Variants in SUSD1 observed in about 807,000 individuals in gnomAD.
The protein encoded by SUSD1 is sushi domain-containing protein 1.
A neutral mutation model predicts 86.9 loss-of-function variants in SUSD1; 65 were observed. The ratio of observed to expected loss-of-function variants is 0.75; its 90% CI spans 0.61 to 0.92. The LOEUF (loss-of-function observed/expected upper bound fraction) is 0.92. SUSD1 is among the 40% of genes least tolerant of loss of function. SUSD1 has a pLI of 0.00. For missense variants in SUSD1, 850 were observed against 929.7 expected (o/e 0.91, Z 1.11); for synonymous variants, 346 against 350.0 (o/e 0.99, Z 0.13).
At chr9:112,108,165 T>A (rs1195223926) in intron 8 of SUSD1, among the ~76,000 whole-genome samples, 3 of 152,210 alleles carry the variant, frequency 2.0e-5, no homozygotes, top group Non-Finnish European at 4.4e-5. Context: ...TATATAATGC[T>A]TTGAAAGTAA....
chr9:112,049,982 C>G (rs1343471466), intron 15 of SUSD1, among the ~76,000 whole-genome samples: 1 of 152,150 alleles, frequency 6.6e-6, no homozygotes, highest in Non-Finnish European at 1.5e-5. Flanking sequence ...AGCTCTTTGG[C>G]GATTTCTTCT....
intron 5 of SUSD1, among the ~76,000 whole-genome samples, chr9:112,125,054 A>C (rs1290481444): frequency 6.6e-6 from 1 of 152,218 alleles, no homozygotes; most frequent in Non-Finnish European, 1.5e-5. Context: ...AGACCCAGCC[A>C]AACTATACTT....
intron 2 of SUSD1, among the ~76,000 whole-genome samples, chr9:112,153,830 T>C: frequency 6.6e-6 from 1 of 151,874 alleles, no homozygotes; most frequent in Non-Finnish European, 1.5e-5. Flanking sequence ...GACAGGCTGG[T>C]CTTGAACTCC....
In SUSD1 at chr9:112,066,646, C is replaced by T. The variant is rs141235450; in HGVS notation, c.1754-3613G>A. ...CCTTGTGCCTGAGATTCTCCGAGTC[C>T]GTACGTGTTGTCTTTTCATATGTTA... On this transcript the variant is annotated intron_variant, in intron 12 of 16. Transcript: ENST00000374270. Among the ~76,000 whole-genome samples the T allele has an allele frequency of 2.2e-3, 330 of 152,252 alleles. 1 individual carries two copies. Among genetic ancestry groups the T allele is most frequent in the African/African-American group, 7.4e-3 (309 of 41,530 alleles).
chr9:112,130,862 A>T (rs1203171080), intron 5 of SUSD1, among the ~76,000 whole-genome samples: 1 of 151,658 alleles, frequency 6.6e-6, no homozygotes, highest in Admixed American at 6.6e-5. Flanking sequence ...AAAAAAAAAA[A>T]AATACAATAA....
chr9:112,172,124 A>G (rs2131870586), intron 1 of SUSD1, among the ~76,000 whole-genome samples: 1 of 151,580 alleles, frequency 6.6e-6, no homozygotes, highest in South Asian at 2.1e-4. Context: ...TGAACCCAGG[A>G]GGCAGAGGTT....
chr9:112,101,627 T>A (rs967091587), intron 9 of SUSD1, among the ~76,000 whole-genome samples: 16 of 151,616 alleles, frequency 1.1e-4, no homozygotes, highest in African/African-American at 3.9e-4. Flanking sequence ...GGGCAGATCA[T>A]CTGAGGCTGG....
chr9:112,060,672 A>C (rs1261486361), intron 13 of SUSD1, among the ~76,000 whole-genome samples: 1 of 152,242 alleles, frequency 6.6e-6, no homozygotes, highest in South Asian at 2.1e-4. Context: ...AGTAAAACCC[A>C]CAGGGCAATA....
intron 13 of SUSD1, among the ~76,000 whole-genome samples, chr9:112,060,033 A>G (rs1166971075): frequency 1.3e-5 from 2 of 151,816 alleles, no homozygotes; most frequent in Non-Finnish European, 2.9e-5. Context: ...AGCGTGAAAT[A>G]TAATTAGGGT....
At chr9:112,105,313 C>T (rs72762071) in intron 8 of SUSD1, among the ~76,000 whole-genome samples, 18,507 of 151,404 alleles carry the variant, frequency 0.12, 1,369 homozygotes, top group Admixed American at 0.2. Flanking sequence ...CAATTCCACA[C>T]AGGGGTATTT....
chr9:112,051,783 T>G (rs891638993), intron 15 of SUSD1, among the ~76,000 whole-genome samples: 1 of 152,184 alleles, frequency 6.6e-6, no homozygotes, highest in Non-Finnish European at 1.5e-5. Context: ...GCTCTTGTAT[T>G]GGCTTTTCGG....
intron 9 of SUSD1, among the ~76,000 whole-genome samples, chr9:112,099,555 T>C (rs1830539948): frequency 6.6e-6 from 1 of 152,172 alleles, no homozygotes; most frequent in Admixed American, 6.5e-5. Flanking sequence ...TTTTGATCCA[T>C]GGAGTCATAT....
intron 3 of SUSD1, among the ~76,000 whole-genome samples, chr9:112,145,341 G>A (rs1281343271): frequency 6.9e-6 from 1 of 144,696 alleles, no homozygotes; most frequent in East Asian, 2.0e-4. Flanking sequence ...GTGCAATGGT[G>A]TGATCTTGGC....
chr9:112,157,599 C>A lies in SUSD1; in HGVS notation c.118G>T (p.Ala40Ser). 1 of 1,613,702 alleles carries A rather than the reference C, an allele frequency of 6.2e-7. No homozygotes were observed. Among genetic ancestry groups the A allele is most frequent in the Non-Finnish European group, 8.5e-7 (1 of 1,179,704 alleles). Residue 40 changes from alanine (A) to serine (S), a missense_variant, in exon 2 of 17, where the codon GCC becomes TCC. Physicochemically the swap from Ala to Ser is moderately conservative, Grantham distance 99. Transcript: ENST00000374270. ...CATGTGGCATGTTCATGGCAAGTGG[C>A]ACAGACGTCTAAACCTGAATCATAA... ...APGPDGLDVC[A>S]TCHEHATCQQ...
At position 112,078,669 on chromosome 9, in the gene SUSD1, A is replaced by C. The variant is rs1290062421; in HGVS notation, c.1622T>G (p.Phe541Cys). 6 of 1,613,942 alleles carry C rather than the reference A, an allele frequency of 3.7e-6. No homozygotes were observed. The highest frequency in any genetic ancestry group is 5.1e-6 in the Non-Finnish European group (6 of 1,179,948). The change falls in exon 12 of 17, where the codon TTT becomes TGT. Residue 541 changes from phenylalanine (F) to cysteine (C), a missense_variant. Phe to Cys is a radical substitution (Grantham distance 205). Transcript: ENST00000374270. ...ATCTCGGCTGCTGCTACTGATATTA[A>C]AGGTCATTTCCTGGGCAAATTCCTT... is the stretch of plus-strand genomic sequence containing the variant. ...YQKEFAQEMT[F>C]NISSSSRDPE...
intron 10 of SUSD1, among the ~76,000 whole-genome samples, chr9:112,089,195 T>C (rs1328480647): frequency 6.6e-6 from 1 of 152,240 alleles, no homozygotes; most frequent in Non-Finnish European, 1.5e-5. Flanking sequence ...GGGCGTTTTT[T>C]AAAGGTATAA....
rs764221933 is a variant in SUSD1, at chr9:112,041,464, A to G, written c.*28T>C. On this transcript the variant is annotated 3_prime_UTR_variant, in exon 17 of 17. Coordinates refer to ENST00000374270, the MANE Select transcript of SUSD1 (RefSeq NM_022486.5). Reference sequence around the variant, plus strand: ...CAGAACACCTGCCCAGCAGCAGTGCATCCTCCCCACTCAGTGTCCATCTGC... The same window carrying G: ...CAGAACACCTGCCCAGCAGCAGTGCGTCCTCCCCACTCAGTGTCCATCTGC... 4 of 780,924 alleles carry G rather than the reference A, an allele frequency of 5.1e-6. No homozygotes were observed. The highest frequency in any genetic ancestry group is 5.1e-5 in the Admixed American group (3 of 59,022). The allele number at this position is 780,924 out of a possible 1,614,324, so 48.4% of individuals were successfully genotyped here. A position where few individuals can be genotyped will look rare whatever the true frequency, so the allele number is the denominator to read the frequency against.
intron 6 of SUSD1, among the ~76,000 whole-genome samples, chr9:112,115,651 A>G (rs916716845): frequency 6.6e-6 from 1 of 151,926 alleles, no homozygotes; most frequent in African/African-American, 2.4e-5. Flanking sequence ...TACTAAAAAT[A>G]CAAAAAAATT....
chr9:112,125,587 GA>G (rs369483918), intron 5 of SUSD1, among the ~76,000 whole-genome samples: 40 of 151,658 alleles, frequency 2.6e-4, no homozygotes, highest in African/African-American at 9.4e-4. Context: ...AAAAAAGAAA[GA>G]AAAAAACTTG....
Sources: allele counts gnomAD v4.1 joint callset (sites outside exome capture counted in the v4.1 genomes callset), GRCh38; gene constraint gnomAD v4.1.1; transcripts MANE v1.5; gene names NCBI Gene and HGNC (gene_info 2026-07-23, HGNC 2026-07-21).